MRAP2: variants seen among roughly 807,000 people sequenced by gnomAD.
The protein encoded by MRAP2 is melanocortin 2 receptor accessory protein 2.
A neutral mutation model predicts 17.4 loss-of-function variants in MRAP2; 20 were observed. The observed-to-expected ratio is 1.15, with a 90% CI of 0.81 to 1.67. The LOEUF (loss-of-function observed/expected upper bound fraction) is 1.67. Ranked by LOEUF, MRAP2 falls within the 40% of genes most tolerant of loss-of-function variation. The pLI is 0.00. For missense variants in MRAP2, 238 were observed against 240.0 expected (o/e 0.99, Z 0.05); for synonymous variants, 96 against 88.4 (o/e 1.09, Z -0.48).
chr6:84,128,653 A>C, the MRAP2 span, among the ~76,000 whole-genome samples: 4 of 152,164 alleles, frequency 2.6e-5, no homozygotes, highest in Non-Finnish European at 5.9e-5. Flanking sequence ...AAATAAAATA[A>C]GGTATATAAA....
chr6:84,139,933 G>GCTGGTGTGTTCACGGTTCTCACCAGA, the MRAP2 span, among the ~76,000 whole-genome samples: 31,730 of 151,144 alleles, frequency 0.21, 6,905 homozygotes, highest in African/African-American at 0.56. Context: ...ACCCTCTCAG[G>GCTGGTGTGTTCACGGTTCTCACCAGA]CTGGTGTGTT....
intron 2 of MRAP2, among the ~76,000 whole-genome samples, chr6:84,057,930 G>C (rs1222328730): frequency 5.3e-5 from 8 of 152,162 alleles, no homozygotes; most frequent in African/African-American, 1.7e-4. Flanking sequence ...TAATATATCT[G>C]GGGGAAGAAC....
chr6:84,062,264 A>G (rs2099493350), intron 2 of MRAP2: 1 of 288,018 alleles, frequency 3.5e-6, no homozygotes. Context: ...TAATCACAGC[A>G]GCTACACTTC....
At chr6:84,098,950 T>G in the MRAP2 span, among the ~76,000 whole-genome samples, 1 of 152,106 alleles carries the variant, frequency 6.6e-6, no homozygotes, top group Admixed American at 6.6e-5. Flanking sequence ...TTCTTCATTT[T>G]GGTGAACTCT....
At chr6:84,108,478 T>A in the MRAP2 span, among the ~76,000 whole-genome samples, 1 of 152,170 alleles carries the variant, frequency 6.6e-6, no homozygotes, top group Non-Finnish European at 1.5e-5. Context: ...ATTTATGTCT[T>A]CTTTCAAGAA....
the MRAP2 span, among the ~76,000 whole-genome samples, chr6:84,103,346 G>A: frequency 6.6e-6 from 1 of 152,158 alleles, no homozygotes; most frequent in Non-Finnish European, 1.5e-5. Flanking sequence ...GATGACAAAG[G>A]TGATTAATTT....
the MRAP2 span, among the ~76,000 whole-genome samples, chr6:84,120,999 ATT>A: frequency 6.6e-6 from 1 of 151,974 alleles, no homozygotes; most frequent in African/African-American, 2.4e-5. Flanking sequence ...CAAAAACTCA[ATT>A]TTTCTATCAA....
chr6:84,089,081 T>C lies in MRAP2; in HGVS notation c.228-10T>C. 1 of 1,591,200 alleles carries C rather than the reference T, an allele frequency of 6.3e-7. No individual in the cohort carries two copies. The highest frequency in any genetic ancestry group is 2.2e-5 in the East Asian group (1 of 44,672). ...GTGTAAGCAGTCTTTTATTTTCTTT[T>C]TTTAAATAGCAATGCAGAGTCCTCA... On this transcript the variant is annotated splice_polypyrimidine_tract_variant and intron_variant, in intron 3 of 3. Coordinates refer to ENST00000257776, the MANE Select transcript of MRAP2 (RefSeq NM_138409.4).
chr6:84,098,577 C>T, the MRAP2 span, among the ~76,000 whole-genome samples: 378 of 152,250 alleles, frequency 2.5e-3, no homozygotes, highest in South Asian at 5.2e-3. Flanking sequence ...ATGATTTTAA[C>T]TTTCTCATAG....
the MRAP2 span, among the ~76,000 whole-genome samples, chr6:84,112,153 G>A: frequency 6.6e-6 from 1 of 152,022 alleles, no homozygotes. Flanking sequence ...TTTTTCTATT[G>A]TTTGGAATAG....
At chr6:84,076,738 T>C (rs2099497732) in intron 3 of MRAP2, among the ~76,000 whole-genome samples, 2 of 152,164 alleles carry the variant, frequency 1.3e-5, no homozygotes, top group Non-Finnish European at 2.9e-5. Context: ...TGCCCACCAC[T>C]TTTCATGAGT....
chr6:84,087,590 C>T (rs542133085), intron 3 of MRAP2, among the ~76,000 whole-genome samples: 2 of 152,274 alleles, frequency 1.3e-5, no homozygotes, highest in South Asian at 4.1e-4. Context: ...AGAGAAATGA[C>T]AGTTGAGGGA....
At chr6:84,072,834 T>C (rs2099496530) in intron 3 of MRAP2, among the ~76,000 whole-genome samples, 1 of 152,052 alleles carries the variant, frequency 6.6e-6, no homozygotes, top group Admixed American at 6.5e-5. Flanking sequence ...TGCTGAGTCA[T>C]GCAGGTTGTC....
chr6:84,141,969 T>G, the MRAP2 span, among the ~76,000 whole-genome samples: 1 of 152,220 alleles, frequency 6.6e-6, no homozygotes, highest in African/African-American at 2.4e-5. Context: ...ACTTCCGTCC[T>G]TTCTCAGTCT....
At position 84,067,843 on chromosome 6, in the gene MRAP2, T is replaced by C. The variant is rs139177193; in HGVS notation, c.227+4851T>C. ...ATTTTCTCCCACTGTGTTGGTTGTC[T>C]GTTTATTCTGCTGACTGTTCCTATT... On this transcript the variant is annotated intron_variant, in intron 3 of 3. Transcript: ENST00000257776. 5.9e-3 allele frequency among the ~76,000 whole-genome samples: 891 copies of C among 152,256 alleles called. 4 individuals are homozygous for C. The highest frequency in any genetic ancestry group is 0.021 in the African/African-American group (859 of 41,538).
At chr6:84,113,559 T>C in the MRAP2 span, among the ~76,000 whole-genome samples, 1 of 152,224 alleles carries the variant, frequency 6.6e-6, no homozygotes, top group African/African-American at 2.4e-5. Flanking sequence ...CTGTGTCTTT[T>C]AATTGGGGCA....
intron 3 of MRAP2, among the ~76,000 whole-genome samples, chr6:84,072,732 C>A (rs1168575934): frequency 6.6e-6 from 1 of 152,100 alleles, no homozygotes; most frequent in African/African-American, 2.4e-5. Context: ...TCAGTCTCTC[C>A]TTGGGTGGGT....
the MRAP2 span, among the ~76,000 whole-genome samples, chr6:84,105,762 A>C: frequency 6.6e-6 from 1 of 152,162 alleles, no homozygotes; most frequent in African/African-American, 2.4e-5. Flanking sequence ...ACTCAGAGGC[A>C]TGAGGAGCCC....
In MRAP2 at chr6:84,044,678, C is replaced by T. The variant is rs7754453; in HGVS notation, c.-7-10634C>T. Among the ~76,000 whole-genome samples the T allele has an allele frequency of 5.1e-3, 773 of 152,340 alleles. 5 individuals are homozygous for T. The highest frequency in any genetic ancestry group is 0.018 in the African/African-American group (732 of 41,570). On this transcript the variant is annotated intron_variant, in intron 1 of 3. Coordinates refer to ENST00000257776, the MANE Select transcript of MRAP2 (RefSeq NM_138409.4). ...CTCCTCTTCTTATGAAGATATTCTT[C>T]AGAATGAATGAGGGCCTCATTTTAA...
Sources: gnomAD v4.1 joint callset for allele counts (sites outside exome capture counted in the v4.1 genomes callset) on GRCh38, gnomAD v4.1.1 for gene constraint, MANE v1.5 for transcripts, NCBI Gene and HGNC (gene_info 2026-07-23, HGNC 2026-07-21) for gene names.